RALGPS1: variants seen among roughly 807,000 people sequenced by gnomAD.
RALGPS1 encodes the protein Ral GEF with PH domain and SH3 binding motif 1.
A neutral mutation model predicts 78.8 loss-of-function variants in RALGPS1; 19 were observed. That is an observed-to-expected ratio of 0.24 (90% CI 0.17 to 0.35). The LOEUF (loss-of-function observed/expected upper bound fraction) is 0.35, where lower values mean the gene tolerates loss of function less well. Among genes scored for constraint, RALGPS1 ranks in the 10% least tolerant of loss-of-function variants. The pLI is 1.00. For missense variants in RALGPS1, 454 were observed against 688.3 expected (o/e 0.66, Z 3.81); for synonymous variants, 228 against 256.3 (o/e 0.89, Z 1.06).
chr9:127,054,992 TGATTGAGAGAGAGAGAGAGAGAGAGAGA>T (rs1432937610), intron 7 of RALGPS1, among the ~76,000 whole-genome samples: 2 of 79,232 alleles, frequency 2.5e-5, no homozygotes, highest in Non-Finnish European at 5.1e-5. Context: ...AGAGAGAGAT[TGATTGAGAGAGAGAGAGAGAGAGAGAGA>T]GAGAGAGAGA....
chr9:127,104,548 A>G (rs1186226253), intron 8 of RALGPS1, among the ~76,000 whole-genome samples: 4 of 152,216 alleles, frequency 2.6e-5, no homozygotes, highest in African/African-American at 9.6e-5. Flanking sequence ...CAGACCTGAG[A>G]GACACAGGAC....
intron 1 of RALGPS1, among the ~76,000 whole-genome samples, chr9:126,951,275 TC>T (rs2037790639): frequency 6.8e-6 from 1 of 145,998 alleles, no homozygotes; most frequent in South Asian, 2.5e-4. Flanking sequence ...CTGAAACTAT[TC>T]CAATCAATAG....
At chr9:127,199,548 C>T (rs1315280124) in intron 14 of RALGPS1, among the ~76,000 whole-genome samples, 2 of 151,992 alleles carry the variant, frequency 1.3e-5, no homozygotes, top group African/African-American at 4.8e-5. Flanking sequence ...GATCCCTCTG[C>T]CTCCCTCGAG....
At chr9:127,131,603 C>T (rs765128563) in intron 8 of RALGPS1, among the ~76,000 whole-genome samples, 9 of 152,196 alleles carry the variant, frequency 5.9e-5, no homozygotes, top group Non-Finnish European at 1.0e-4. Context: ...CAGTAAGCAG[C>T]GAAGTCAGGA....
intron 8 of RALGPS1, among the ~76,000 whole-genome samples, chr9:127,118,821 C>G (rs538886398): frequency 4.6e-5 from 7 of 152,206 alleles, no homozygotes; most frequent in Admixed American, 6.5e-5. Flanking sequence ...TTCAGAGAGG[C>G]CAGTTGCTGA....
At chr9:127,056,802 GTGTTGTCC>G (rs1204583260) in intron 7 of RALGPS1, among the ~76,000 whole-genome samples, 1 of 152,186 alleles carries the variant, frequency 6.6e-6, no homozygotes, top group Non-Finnish European at 1.5e-5. Flanking sequence ...TGAATTGTAT[GTGTTGTCC>G]TGAGTTGCAT....
At chr9:127,131,111 T>G (rs2056975346) in intron 8 of RALGPS1, among the ~76,000 whole-genome samples, 1 of 152,192 alleles carries the variant, frequency 6.6e-6, no homozygotes, top group African/African-American at 2.4e-5. Context: ...AGCTTGACTG[T>G]GGGCTGTGGG....
Position 127,212,545 on chromosome 9 carries a change from G to C in RALGPS1, c.1354-82G>C. 1 of 996,820 alleles carries C rather than the reference G, an allele frequency of 1.0e-6. No homozygotes were observed. The highest frequency in any genetic ancestry group is 1.5e-6 in the Non-Finnish European group (1 of 669,426). The allele number at this position is 996,820 out of a possible 1,614,324, so 61.7% of individuals were successfully genotyped here. The stretch of plus-strand genomic sequence containing the variant: ...ATGGGGCCTGCACTGGCATTGATGG[G>C]ATGGCTGGGTCTGTAATCGGCCAGG... On this transcript the variant is annotated intron_variant, in intron 15 of 18. Transcript: ENST00000259351. This position sits in a 1 kb window ranked among gnomAD's most constrained non-coding sequence, Gnocchi z 6.0.
chr9:127,087,555 G>C (rs1427468393), intron 8 of RALGPS1: 1 of 152,602 alleles, frequency 6.6e-6, no homozygotes, highest in Non-Finnish European at 1.5e-5. Flanking sequence ...CCACCGGGAA[G>C]GGTCTCACCT....
intron 7 of RALGPS1, among the ~76,000 whole-genome samples, chr9:127,067,092 T>C (rs1339858508): frequency 6.6e-6 from 1 of 152,206 alleles, no homozygotes; most frequent in Non-Finnish European, 1.5e-5. Context: ...GAACTGGAAA[T>C]GGAGGTAAAA....
intron 8 of RALGPS1, among the ~76,000 whole-genome samples, chr9:127,126,395 G>T (rs1333897228): frequency 1.3e-5 from 2 of 152,118 alleles, no homozygotes; most frequent in East Asian, 3.9e-4. Context: ...TGAGCTTCTT[G>T]GACCTATATG....
chr9:127,034,026 G>A (rs1032677985), intron 4 of RALGPS1, among the ~76,000 whole-genome samples: 3 of 152,226 alleles, frequency 2.0e-5, no homozygotes, highest in Non-Finnish European at 2.9e-5. Context: ...CATGTGGCCA[G>A]TGAAATCTGA....
At chr9:127,196,413 G>A in intron 12 of RALGPS1, 61 bp from the exon 13 acceptor site, 1 of 1,557,866 alleles carries the variant, frequency 6.4e-7, no homozygotes, top group Admixed American at 1.8e-5. Flanking sequence ...CCAGGCAGGT[G>A]TAACCACTGT....
chr9:127,141,932 AG>A (rs1291705349), intron 8 of RALGPS1, among the ~76,000 whole-genome samples: 1 of 152,206 alleles, frequency 6.6e-6, no homozygotes, highest in Non-Finnish European at 1.5e-5. Context: ...ATTCAATAAT[AG>A]TATGTTTTCA....
chr9:127,105,735 T>A (rs1341689261), intron 8 of RALGPS1, among the ~76,000 whole-genome samples: 1 of 152,212 alleles, frequency 6.6e-6, no homozygotes, highest in African/African-American at 2.4e-5. Flanking sequence ...GATGTGCTGA[T>A]GTTAGGGACT....
chr9:127,218,623 C>A lies in RALGPS1; in HGVS notation c.1645-117C>A. 9.1e-7 allele frequency: 1 copy of A among 1,098,994 alleles called. No individual in the cohort carries two copies. Among genetic ancestry groups the A allele is most frequent in the Non-Finnish European group, 1.4e-6 (1 of 712,468 alleles). The allele number at this position is 1,098,994 out of a possible 1,614,324, so 68.1% of individuals were successfully genotyped here. On this transcript the variant is annotated intron_variant, in intron 18 of 18. Coordinates refer to ENST00000259351, the MANE Select transcript of RALGPS1 (RefSeq NM_014636.3). This position sits in a 1 kb window ranked among gnomAD's most constrained non-coding sequence, Gnocchi z 4.4. ...TGTTATTGCCATACCCTCTCCCTAC[C>A]CAACCTGCTCATTCCCAGACTCACG...
chr9:127,217,458 C>G (rs1047128968), intron 18 of RALGPS1: 3 of 985,134 alleles, frequency 3.0e-6, no homozygotes, highest in Admixed American at 1.2e-4. Flanking sequence ...GGAAACATCG[C>G]AGTGACTAGA....
intron 1 of RALGPS1, among the ~76,000 whole-genome samples, chr9:126,923,758 CT>C (rs1319427367): frequency 6.6e-6 from 1 of 152,220 alleles, no homozygotes; most frequent in Non-Finnish European, 1.5e-5. Flanking sequence ...CAGCCTTCAG[CT>C]CATGGCCTCA....
intron 1 of RALGPS1, among the ~76,000 whole-genome samples, chr9:126,956,881 C>T: frequency 6.6e-6 from 1 of 152,164 alleles, no homozygotes; most frequent in South Asian, 2.1e-4. Flanking sequence ...CCTGATGGAG[C>T]ATTTTAAACA....
Sources: allele counts gnomAD v4.1 joint callset (sites outside exome capture counted in the v4.1 genomes callset), GRCh38; gene constraint gnomAD v4.1.1; non-coding constraint Gnocchi (gnomAD v3.1); transcripts MANE v1.5; gene names NCBI Gene and HGNC (gene_info 2026-07-23, HGNC 2026-07-21).